The following GP2 variants were observed in gnomAD, a reference collection of about 807,000 sequenced individuals.
GP2 encodes the protein pancreatic secretory granule membrane major glycoprotein GP2.
GP2 carries 58 observed loss-of-function variants against 60.8 expected under a neutral mutation model. The observed-to-expected ratio is 0.95, with a 90% confidence interval of 0.77 to 1.19. GP2 has a LOEUF of 1.19. Ranked by LOEUF, GP2 falls within the 50% of genes most tolerant of loss-of-function variation. GP2 has a pLI of 0.00. For synonymous variants in GP2, 280 were observed against 253.4 expected, an observed-to-expected ratio of 1.10 and a Z score of -1.00; for missense variants, 647 against 667.4, an observed-to-expected ratio of 0.97 and a Z score of 0.34.
At chr16:20,318,940 T>G (rs1173992561) in intron 6 of GP2, among the ~76,000 whole-genome samples, 4 of 152,166 alleles carry the variant, frequency 2.6e-5, no homozygotes, top group Non-Finnish European at 5.9e-5. Flanking sequence ...CAATAGGGAA[T>G]GAGACGGGCA....
At chr16:20,323,064 C>G (rs79527790) in intron 3 of GP2, 85 bp from the exon 4 acceptor site, 5 of 725,340 alleles carry the variant, frequency 6.9e-6, no homozygotes, top group Admixed American at 2.2e-5. Context: ...TTCATTTCAC[C>G]GGGGCACAAG....
intron 2 of GP2, among the ~76,000 whole-genome samples, chr16:20,325,245 G>A (rs1321032344): frequency 6.6e-6 from 1 of 152,204 alleles, no homozygotes; most frequent in East Asian, 1.9e-4. Context: ...TGAACCAGTG[G>A]TTCTCAAACT....
intron 6 of GP2, 49 bp downstream of exon 6, chr16:20,319,571 G>A (rs1465724545): frequency 7.2e-7 from 1 of 1,387,712 alleles, no homozygotes. Context: ...TAAGTGTGAT[G>A]TGACTATTGC....
rs763292543 is a variant in GP2, at chr16:20,315,995, G to T, written c.1462C>A (p.Leu488Ile). 6.2e-6 allele frequency: 10 copies of T among 1,613,374 alleles called. No homozygotes were observed. The East Asian group carries it at 2.2e-4, about 36-fold the overall frequency. Residue 488 changes from leucine to isoleucine, a missense_variant, in exon 9 of 11, where the codon CTA becomes ATA. Coordinates refer to ENST00000302555, the MANE Select transcript of GP2 (RefSeq NM_001502.4). The stretch of plus-strand genomic sequence containing the variant: ...GGCCCCAAATCTAGAACCCGGGCTA[G>T]GTCGATGGCCGGTACTTCACTGCGG... ...QVRSEVPAID[L>I]ARVLDLGPIT... is the part of the protein sequence containing the mutation.
intron 2 of GP2, among the ~76,000 whole-genome samples, chr16:20,326,017 C>A (rs1325238028): frequency 6.6e-6 from 1 of 152,220 alleles, no homozygotes; most frequent in African/African-American, 2.4e-5. Context: ...GGAGAAGGCA[C>A]TTGCCAGCAC....
chr16:20,312,178 T>C (rs1964012574), intron 10 of GP2, among the ~76,000 whole-genome samples: 2 of 152,176 alleles, frequency 1.3e-5, no homozygotes, highest in African/African-American at 2.4e-5. Context: ...CATCACTGTG[T>C]ACTCAGTTTC....
rs1298132092 is a variant in GP2, at chr16:20,311,237, CCAGGAGGACAGT to C, written c.1579_1590del (p.Thr527_Leu530del). On this transcript the variant is annotated inframe_deletion, in exon 11 of 11. Coordinates refer to ENST00000302555, the MANE Select transcript of GP2 (RefSeq NM_001502.4). ...CAGCGGAGCTCTCAGAACAGCCAAG[CCAGGAGGACAGT>C]CAGGAGGACCATAGGCCAGGCCACC... 8.1e-6 allele frequency: 13 copies of C among 1,609,732 alleles called. No homozygotes were observed. The African/African-American group carries it at 1.6e-4, about 20-fold the overall frequency.
chr16:20,317,346 TG>T lies in GP2; in HGVS notation c.1282del (p.His428ThrfsTer26). On this transcript the variant is annotated frameshift_variant, in exon 8 of 11. Transcript: ENST00000302555. LOFTEE classifies it high-confidence loss of function. ...CGAGGACTGCCCATTCTCCTCCACG[TG>T]GATGGTGGAATCACGTTGATTTGAG... ...SCSNQRDSTI[H>X]VEENGQSSES... 1 of 1,613,742 alleles carries T rather than the reference TG, an allele frequency of 6.2e-7. No homozygotes were observed. Among genetic ancestry groups the T allele is most frequent in the Middle Eastern group, 1.7e-4 (1 of 6,060 alleles).
intron 9 of GP2, 80 bp from the exon 10 acceptor site, chr16:20,314,781 T>C: frequency 9.9e-7 from 1 of 1,006,628 alleles, no homozygotes; most frequent in Non-Finnish European, 1.6e-6. Context: ...CTGCTTCACA[T>C]CCTCCTAGAC....
chr16:20,311,010 G>T lies in GP2; in HGVS notation c.*213C>A. On this transcript the variant is annotated 3_prime_UTR_variant, in exon 11 of 11. Coordinates refer to ENST00000302555, the MANE Select transcript of GP2 (RefSeq NM_001502.4). ...GACCTCAGGTGATCCACCTGCCTCA[G>T]CCTCCCAAAATGCTGGGATTACAGG... 2.5e-6 allele frequency: 1 copy of T among 400,200 alleles called. No individual in the cohort carries two copies. The highest frequency in any genetic ancestry group is 4.7e-6 in the Non-Finnish European group (1 of 214,060). 24.8% of individuals were successfully genotyped at this position (400,200 alleles called of 1,614,324 possible).
intron 2 of GP2, 64 bp downstream of exon 2, chr16:20,326,274 A>C: frequency 6.6e-7 from 1 of 1,506,706 alleles, no homozygotes; most frequent in Non-Finnish European, 9.2e-7. Context: ...CCTTCTCTGC[A>C]CTTCTATCCT....
intron 2 of GP2, among the ~76,000 whole-genome samples, chr16:20,324,488 T>C (rs1179768319): frequency 1.3e-5 from 2 of 152,194 alleles, no homozygotes; most frequent in Non-Finnish European, 2.9e-5. Flanking sequence ...CTGCACAGCC[T>C]CCCTCCCTGC....
chr16:20,317,243 G>A lies in GP2; in HGVS notation c.1386C>T (p.Leu462=). 3.7e-6 allele frequency: 6 copies of A among 1,613,044 alleles called. No individual in the cohort carries two copies. Among genetic ancestry groups the A allele is most frequent in the Middle Eastern group, 1.7e-4 (1 of 6,058 alleles). ...GGCACTGTTCATTAAGAGAATCACA[G>A]AGATGAATCTCACAATGCAGGAAAA... ...DLVFLHCEIH[L]CDSLNEQCQP... is the part of the protein sequence containing the mutation. Residue 462 remains leucine (L), a synonymous_variant, in exon 8 of 11, where the codon CTC becomes CTT. Transcript: ENST00000302555.
Position 20,318,402 on chromosome 16 carries a change from C to CA in GP2, c.1035dup (p.Gly346TrpfsTer25), listed in dbSNP as rs763010840. ...AGGGCCATCCTGACAATGAACTCTC[C>CA]ATTCCCGTCCACACTGACGTTCAGG... On this transcript the variant is annotated frameshift_variant, in exon 7 of 11. Transcript: ENST00000302555. LOFTEE classifies it high-confidence loss of function. The CA allele has an allele frequency of 6.2e-7, 1 of 1,613,318 alleles. No homozygotes were observed. Among genetic ancestry groups the CA allele is most frequent in the African/African-American group, 1.3e-5 (1 of 74,920 alleles).
chr16:20,324,872 G>A (rs57868518), intron 2 of GP2, among the ~76,000 whole-genome samples: 3,925 of 152,200 alleles, frequency 0.026, 151 homozygotes, highest in African/African-American at 0.082. Context: ...TGACATTTTG[G>A]CTAGGTCATT....
In GP2 at chr16:20,320,246, T is replaced by G. The variant is rs371710593; in HGVS notation, c.858+16A>C. On this transcript the variant is annotated intron_variant, in intron 5 of 10. Coordinates refer to ENST00000302555, the MANE Select transcript of GP2 (RefSeq NM_001502.4). ...AACACATACCTTCTGGCAGCAGTGGTGTGAAAGCCACTTACCTCCAGAATG... is the reference window on the plus strand; with the variant it reads ...AACACATACCTTCTGGCAGCAGTGGGGTGAAAGCCACTTACCTCCAGAATG... 1.2e-4 allele frequency: 189 copies of G among 1,574,726 alleles called. No homozygotes were observed. The African/African-American group carries it at 2.4e-3, about 20-fold the overall frequency.
In GP2 at chr16:20,322,957, C is replaced by G. The variant is rs1944210976; in HGVS notation, c.558G>C (p.Lys186Asn). The G allele has an allele frequency of 6.2e-7, 1 of 1,609,356 alleles. No homozygotes were observed. The highest frequency in any genetic ancestry group is 8.5e-7 in the Non-Finnish European group (1 of 1,175,878). ...YCTDPSTVED[K>N]CEKACRPEEE... ...CCTCGGGGCGGCAGGCCTTCTCACA[C>G]TTGTCCTCCACAGTGGATGGGTCTA... The change falls in exon 4 of 11, where the codon AAG becomes AAC. Residue 186 changes from lysine to asparagine, a missense_variant. Physicochemically the swap from Lys to Asn is moderately conservative, Grantham distance 94 (BLOSUM62 0). Transcript: ENST00000302555.
chr16:20,319,710 A>G lies in GP2; in HGVS notation c.917T>C (p.Ile306Thr). 6 of 1,610,248 alleles carry G rather than the reference A, an allele frequency of 3.7e-6. No homozygotes were observed. The highest frequency in any genetic ancestry group is 5.1e-6 in the Non-Finnish European group (6 of 1,176,414). Reference protein sequence around the residue: ...NTLSLVNDFIIRDTILNINFQ... With the variant: ...NTLSLVNDFITRDTILNINFQ... ...GTTGATGTTGAGGATGGTGTCTCTG[A>G]TGATGAAATCATTGACCAAGGAGAG... The change falls in exon 6 of 11, where the codon ATC becomes ACC. Residue 306 changes from isoleucine (I) to threonine (T), a missense_variant. Transcript: ENST00000302555.
intron 7 of GP2, among the ~76,000 whole-genome samples, chr16:20,317,672 C>T (rs1964228117): frequency 6.6e-6 from 1 of 152,298 alleles, no homozygotes; most frequent in Middle Eastern, 3.4e-3. Flanking sequence ...CAGTAATATA[C>T]ACTTTATGAG....
Sources: gnomAD v4.1 joint callset for allele counts (sites outside exome capture counted in the v4.1 genomes callset) on GRCh38, gnomAD v4.1.1 for gene constraint, MANE v1.5 for transcripts, NCBI Gene and HGNC (gene_info 2026-07-23, HGNC 2026-07-21) for gene names.